LZTS1: variants seen among roughly 807,000 people sequenced by gnomAD.
The protein encoded by LZTS1 is leucine zipper putative tumor suppressor 1.
Under a neutral mutation model 45.8 loss-of-function variants are expected in LZTS1, and 31 were observed. The observed-to-expected ratio is 0.68, with a 90% CI of 0.51 to 0.91. The LOEUF is 0.91. Among genes scored for constraint, LZTS1 ranks in the 40% least tolerant of loss-of-function variants. LZTS1 has a pLI of 0.00. For missense variants in LZTS1, 821 were observed against 788.9 expected (o/e 1.04, Z -0.49); for synonymous variants, 359 against 357.3 (o/e 1.00, Z -0.05).
At chr8:20,284,244 C>T (rs2128897811) in intron 1 of LZTS1, among the ~76,000 whole-genome samples, 1 of 152,306 alleles carries the variant, frequency 6.6e-6, no homozygotes, top group Middle Eastern at 3.4e-3. Context: ...TTGGCAAATG[C>T]CCACCAGCAA....
intron 1 of LZTS1, among the ~76,000 whole-genome samples, chr8:20,299,965 G>A (rs551108091): frequency 1.4e-3 from 208 of 152,262 alleles, no homozygotes; most frequent in Non-Finnish European, 2.6e-3. Context: ...ACCATGTGGC[G>A]GCTCAAAGTG....
At chr8:20,250,474 T>C (rs769019392) in intron 3 of LZTS1, 111 bp from the exon 4 acceptor site, 7 of 1,038,424 alleles carry the variant, frequency 6.7e-6, no homozygotes, top group Non-Finnish European at 9.6e-6. Flanking sequence ...GGTGGCCCGG[T>C]GTTAGGCATT....
intron 1 of LZTS1, among the ~76,000 whole-genome samples, chr8:20,267,810 C>A (rs367734467): frequency 3.3e-5 from 5 of 152,096 alleles, no homozygotes; most frequent in Non-Finnish European, 7.4e-5. Flanking sequence ...CCACTGCGCC[C>A]GGCCCAGACC....
intron 1 of LZTS1, among the ~76,000 whole-genome samples, chr8:20,302,709 T>C (rs1358297423): frequency 6.6e-6 from 1 of 152,176 alleles, no homozygotes; most frequent in East Asian, 1.9e-4. Flanking sequence ...GTAGAGGGGC[T>C]GATGGCAGCG....
At chr8:20,274,128 A>G (rs762481904) in intron 1 of LZTS1, among the ~76,000 whole-genome samples, 2 of 151,714 alleles carry the variant, frequency 1.3e-5, no homozygotes, top group South Asian at 2.1e-4. Context: ...GGCATTAATC[A>G]CTCTGTAGCA....
intron 1 of LZTS1, among the ~76,000 whole-genome samples, chr8:20,261,582 C>T (rs983701648): frequency 2.6e-5 from 4 of 152,218 alleles, no homozygotes; most frequent in African/African-American, 9.7e-5. Flanking sequence ...CAAAGGAAAC[C>T]AAGGCTCAAG....
chr8:20,285,435 A>G (rs1800776505), intron 1 of LZTS1, among the ~76,000 whole-genome samples: 2 of 152,216 alleles, frequency 1.3e-5, no homozygotes, highest in South Asian at 4.1e-4. Flanking sequence ...CTGAACTTCC[A>G]TATACTAGCA....
intron 1 of LZTS1, among the ~76,000 whole-genome samples, chr8:20,287,897 CAAAAAAAA>C (rs34653802): frequency 3.7e-5 from 2 of 54,118 alleles, no homozygotes; most frequent in African/African-American, 7.5e-5. Context: ...GCACTCCAGC[CAAAAAAAA>C]AAAAAAAAAA....
rs1801126690 is a variant in LZTS1 at position 20,303,882 on chromosome 8, C to G, written c.-277G>C. On this transcript the variant is annotated 5_prime_UTR_variant, in exon 1 of 4. Transcript: ENST00000381569. The stretch of plus-strand genomic sequence containing the variant: ...GGATGCAGCTCCCGGCTCCCACTCA[C>G]TGGCCGAGGCGGGCAGAGAAACTTT... 1 of 984,950 alleles carries G rather than the reference C, an allele frequency of 1.0e-6. No homozygotes were observed. Among genetic ancestry groups the G allele is most frequent in the Non-Finnish European group, 1.2e-6 (1 of 829,812 alleles). 61.0% of individuals were successfully genotyped at this position (984,950 alleles called of 1,614,324 possible).
intron 1 of LZTS1, among the ~76,000 whole-genome samples, chr8:20,287,230 A>G (rs1800808436): frequency 6.9e-6 from 1 of 144,450 alleles, no homozygotes; most frequent in Non-Finnish European, 1.5e-5. Context: ...TCAAGCCCAC[A>G]CTATGTGAGT....
At chr8:20,260,320 T>C (rs374920387) in intron 1 of LZTS1, among the ~76,000 whole-genome samples, 1 of 152,186 alleles carries the variant, frequency 6.6e-6, no homozygotes, top group African/African-American at 2.4e-5. Flanking sequence ...ATTTAGGGTT[T>C]ATTGTGTGTA....
At chr8:20,279,410 A>G (rs1800642609) in intron 1 of LZTS1, among the ~76,000 whole-genome samples, 1 of 152,192 alleles carries the variant, frequency 6.6e-6, no homozygotes, top group Admixed American at 6.5e-5. Flanking sequence ...ACAGGAAAAT[A>G]AAAAATAGCA....
intron 3 of LZTS1, among the ~76,000 whole-genome samples, chr8:20,252,344 C>T (rs1799947704): frequency 6.6e-6 from 1 of 152,202 alleles, no homozygotes; most frequent in African/African-American, 2.4e-5. Flanking sequence ...AATAGGGTCC[C>T]TCTTACTAGT....
chr8:20,270,574 C>CCCTCTGCCA (rs1358326675), intron 1 of LZTS1, among the ~76,000 whole-genome samples: 2 of 152,140 alleles, frequency 1.3e-5, no homozygotes, highest in East Asian at 3.9e-4. Flanking sequence ...GGCTGGAAAG[C>CCCTCTGCCA]CCTCTGCCAC....
At chr8:20,272,590 A>C (rs1800494953) in intron 1 of LZTS1, among the ~76,000 whole-genome samples, 1 of 152,154 alleles carries the variant, frequency 6.6e-6, no homozygotes, top group Non-Finnish European at 1.5e-5. Context: ...AAATCTTATC[A>C]GTCCTTTGCC....
chr8:20,280,809 C>G (rs1001527899), intron 1 of LZTS1, among the ~76,000 whole-genome samples: 2 of 152,130 alleles, frequency 1.3e-5, no homozygotes, highest in African/African-American at 2.4e-5. Context: ...GTTCTGGGAG[C>G]TGCACTCCCT....
At chr8:20,282,832 A>G (rs1240893884) in intron 1 of LZTS1, among the ~76,000 whole-genome samples, 1 of 152,126 alleles carries the variant, frequency 6.6e-6, no homozygotes, top group Non-Finnish European at 1.5e-5. Context: ...TGATCTTTAC[A>G]CCCTGGGGTT....
rs1386801172 is a variant in LZTS1, at chr8:20,303,838, G to A, written c.-233C>T. On this transcript the variant is annotated 5_prime_UTR_variant, in exon 1 of 4. Coordinates refer to ENST00000381569, the MANE Select transcript of LZTS1 (RefSeq NM_021020.5). Reference sequence around the variant, plus strand: ...TTTTTCCAGAGCTGCTGAGCGGGCCGGGCCGGTCCCACTGCGCGGGATGCA... The same window carrying A: ...TTTTTCCAGAGCTGCTGAGCGGGCCAGGCCGGTCCCACTGCGCGGGATGCA... 2 of 985,072 alleles carry A rather than the reference G, an allele frequency of 2.0e-6. No homozygotes were observed. The highest frequency in any genetic ancestry group is 3.5e-5 in the African/African-American group (2 of 57,198). 61.0% of individuals were successfully genotyped at this position (985,072 alleles called of 1,614,324 possible).
rs1166220098 is a variant in LZTS1, at chr8:20,303,835, G to A, written c.-230C>T. 84 of 985,018 alleles carry A rather than the reference G, an allele frequency of 8.5e-5. No homozygotes were observed. Among genetic ancestry groups the A allele is most frequent in the Non-Finnish European group, 1.0e-4 (83 of 829,844 alleles). The allele number at this position is 985,018 out of a possible 1,614,324, so 61.0% of individuals were successfully genotyped here. ...CTCTTTTTCCAGAGCTGCTGAGCGGGCCGGGCCGGTCCCACTGCGCGGGAT... is the reference window on the plus strand; with the variant it reads ...CTCTTTTTCCAGAGCTGCTGAGCGGACCGGGCCGGTCCCACTGCGCGGGAT... On this transcript the variant is annotated 5_prime_UTR_variant, in exon 1 of 4. Coordinates refer to ENST00000381569, the MANE Select transcript of LZTS1 (RefSeq NM_021020.5).
Sources: allele counts gnomAD v4.1 joint callset (sites outside exome capture counted in the v4.1 genomes callset), GRCh38; gene constraint gnomAD v4.1.1; transcripts MANE v1.5; gene names NCBI Gene and HGNC (gene_info 2026-07-23, HGNC 2026-07-21).